NTRK2: variants seen among roughly 807,000 people sequenced by gnomAD.
The protein encoded by NTRK2 is BDNF/NT-3 growth factors receptor.
Under a neutral mutation model 94.5 loss-of-function variants are expected in NTRK2, and 13 were observed. The ratio of observed to expected loss-of-function variants is 0.14; its 90% confidence interval spans 0.09 to 0.22. The LOEUF (loss-of-function observed/expected upper bound fraction) is 0.22, where lower values mean the gene tolerates loss of function less well. Among genes scored for constraint, NTRK2 ranks in the 10% least tolerant of loss-of-function variants. The probability of loss-of-function intolerance (pLI) is 1.00; values close to 1 mark genes in which losing one functional copy is unlikely to be tolerated. For synonymous variants in NTRK2, 372 were observed against 407.4 expected (o/e 0.91, Z 1.05); for missense variants, 639 against 1,071.2 (o/e 0.60, Z 5.63).
chr9:84,992,290 C>G (rs1436836432), intron 17 of NTRK2, among the ~76,000 whole-genome samples: 1 of 151,864 alleles, frequency 6.6e-6, no homozygotes, highest in Non-Finnish European at 1.5e-5. Context: ...TTACATGGCC[C>G]AATGGAATCT....
Position 84,692,468 on chromosome 9 carries a change from C to CTTTTTTTTTTTTTTTTTTTTT in NTRK2, c.213-9671_213-9670insTTTTTTTTTTTTTTTTTTTTT, listed in dbSNP as rs71369138. 1.4e-3 allele frequency among the ~76,000 whole-genome samples: 121 copies of CTTTTTTTTTTTTTTTTTTTTT among 87,556 alleles called. 1 individual carries two copies. Among genetic ancestry groups the CTTTTTTTTTTTTTTTTTTTTT allele is most frequent in the Non-Finnish European group, 1.5e-3 (72 of 46,456 alleles). 57.4% of individuals were successfully genotyped at this position (87,556 alleles called of 152,430 possible). A position where few individuals can be genotyped will look rare whatever the true frequency, so the allele number is the denominator to read the frequency against. On this transcript the variant is annotated intron_variant, in intron 2 of 18. Coordinates refer to ENST00000277120, the MANE Select transcript of NTRK2 (RefSeq NM_006180.6). ...TTTCTTTTCTTTTTTTTCTTTTTTT[C>CTTTTTTTTTTTTTTTTTTTTT]TTTTTTTTTTTTTTTTTTTTGAGAC...
intron 15 of NTRK2, among the ~76,000 whole-genome samples, chr9:84,935,382 T>C (rs80238144): frequency 1.3e-5 from 2 of 152,210 alleles, no homozygotes; most frequent in Admixed American, 6.5e-5. Flanking sequence ...ATAAAATTAT[T>C]CTTGGAGTCA....
chr9:84,772,642 A>G (rs1588497011), intron 12 of NTRK2, among the ~76,000 whole-genome samples: 2 of 152,192 alleles, frequency 1.3e-5, no homozygotes, highest in East Asian at 1.9e-4. Context: ...AGCAGCTTCT[A>G]TGGTGGCTAA....
rs575872386 is a variant in NTRK2 at position 84,836,851 on chromosome 9, C to T, written c.1397-24189C>T. ...CTTACAACAATTCAAGTCAGATTTT[C>T]CTGCCAAGCGAGTGTAACTTTGGGT... On this transcript the variant is annotated intron_variant, in intron 12 of 18. Coordinates refer to ENST00000277120, the MANE Select transcript of NTRK2 (RefSeq NM_006180.6). 9.2e-4 allele frequency among the ~76,000 whole-genome samples: 139 copies of T among 150,394 alleles called. 2 individuals carry two copies. The highest frequency in any genetic ancestry group is 2.5e-3 in the African/African-American group (101 of 40,874).
intron 12 of NTRK2, among the ~76,000 whole-genome samples, chr9:84,802,404 A>G (rs1412219786): frequency 1.3e-5 from 2 of 152,204 alleles, no homozygotes; most frequent in Non-Finnish European, 2.9e-5. Context: ...CTGCGCTCCA[A>G]CATGAAGGAG....
chr9:84,687,120 C>T (rs1012035712), intron 2 of NTRK2, among the ~76,000 whole-genome samples: 13 of 152,156 alleles, frequency 8.5e-5, no homozygotes, highest in Middle Eastern at 3.4e-3. Flanking sequence ...CGCCCTGTTG[C>T]TCAGGCCGGT....
At chr9:84,904,008 C>A (rs770380316) in intron 14 of NTRK2, among the ~76,000 whole-genome samples, 1 of 152,188 alleles carries the variant, frequency 6.6e-6, no homozygotes, top group Non-Finnish European at 1.5e-5. Flanking sequence ...ATGGAAATGT[C>A]CCTGCTTCTG....
chr9:84,797,620 C>CTATAAT lies in NTRK2; in HGVS notation c.1396+45539_1396+45540insATTATA, dbSNP rs1554730802. Among the ~76,000 whole-genome samples the CTATAAT allele has an allele frequency of 3.3e-3, 211 of 63,094 alleles. 6 individuals carry two copies. The highest frequency in any genetic ancestry group is 4.0e-3 in the African/African-American group (63 of 15,672). 41.4% of individuals were successfully genotyped at this position (63,094 alleles called of 152,430 possible). ...CTATATATTATATATAATATATATA[C>CTATAAT]TATATATTATATATTATATATACTA... On this transcript the variant is annotated intron_variant, in intron 12 of 18. Coordinates refer to ENST00000277120, the MANE Select transcript of NTRK2 (RefSeq NM_006180.6).
chr9:84,759,040 A>G (rs754746240), intron 12 of NTRK2, among the ~76,000 whole-genome samples: 42 of 152,148 alleles, frequency 2.8e-4, no homozygotes, highest in Admixed American at 1.8e-3. Flanking sequence ...CTATCTCAGC[A>G]CTCTCTTAAG....
At chr9:84,983,236 C>A (rs1301010572) in intron 17 of NTRK2, among the ~76,000 whole-genome samples, 4 of 152,130 alleles carry the variant, frequency 2.6e-5, no homozygotes, top group Non-Finnish European at 4.4e-5. Context: ...AACTAAATGA[C>A]CCCAAGGTGA....
intron 12 of NTRK2, among the ~76,000 whole-genome samples, chr9:84,757,144 C>A (rs552330699): frequency 6.6e-6 from 1 of 151,984 alleles, no homozygotes; most frequent in Non-Finnish European, 1.5e-5. Context: ...CCATATGCAC[C>A]CTCTTCCTTC....
chr9:84,702,947 T>C (rs556082661), intron 4 of NTRK2, among the ~76,000 whole-genome samples: 2 of 152,360 alleles, frequency 1.3e-5, no homozygotes, highest in Admixed American at 6.5e-5. Context: ...AGAAAATTAT[T>C]AACAATGGGA....
At position 84,856,302 on chromosome 9, in the gene NTRK2, T is replaced by C. The variant is rs564132839; in HGVS notation, c.1397-4738T>C. On this transcript the variant is annotated intron_variant, in intron 12 of 18. Transcript: ENST00000277120. ...ACACTGTGGAGATGGGGCTTTCTTT[T>C]ATTAAGGATATGTCCTTAAGTAAAA... 2.8e-3 allele frequency among the ~76,000 whole-genome samples: 430 copies of C among 152,286 alleles called. 3 individuals carry two copies. The highest frequency in any genetic ancestry group is 4.3e-3 in the Non-Finnish European group (292 of 68,020).
intron 12 of NTRK2, among the ~76,000 whole-genome samples, chr9:84,809,314 T>C (rs958093060): frequency 2.6e-5 from 4 of 151,682 alleles, no homozygotes; most frequent in South Asian, 2.1e-4. Flanking sequence ...TTCTTTATTT[T>C]TGTAACATTT....
rs1201486227 is a variant in NTRK2 at position 84,686,402 on chromosome 9, T to C, written c.212+15442T>C. The stretch of plus-strand genomic sequence containing the variant: ...GGAAAAGAATCACTCCAGGGTCACC[T>C]GATCTCCAACAAACAAATAGGTCTA... On this transcript the variant is annotated intron_variant, in intron 2 of 18. Coordinates refer to ENST00000277120, the MANE Select transcript of NTRK2 (RefSeq NM_006180.6). Among the ~76,000 whole-genome samples the C allele has an allele frequency of 2.6e-5, 4 of 152,236 alleles. No individual in the cohort carries two copies. In the East Asian group the frequency reaches 7.7e-4, roughly 29 times the overall value.
intron 17 of NTRK2, among the ~76,000 whole-genome samples, chr9:84,980,451 C>T: frequency 6.6e-6 from 1 of 152,142 alleles, no homozygotes. Flanking sequence ...ATATTGTCAT[C>T]CCACTCTTAA....
intron 14 of NTRK2, among the ~76,000 whole-genome samples, chr9:84,923,083 G>T (rs1296044887): frequency 1.3e-5 from 2 of 152,190 alleles, no homozygotes; most frequent in Non-Finnish European, 2.9e-5. Context: ...ATCAGTGGTT[G>T]TGAACTCTGC....
chr9:84,795,363 A>G (rs1453154929), intron 12 of NTRK2, among the ~76,000 whole-genome samples: 1 of 152,120 alleles, frequency 6.6e-6, no homozygotes, highest in African/African-American at 2.4e-5. Flanking sequence ...ACGCCCAGGG[A>G]CAGTCTTGGC....
At chr9:84,858,165 A>G (rs966481881) in intron 12 of NTRK2, among the ~76,000 whole-genome samples, 8 of 151,868 alleles carry the variant, frequency 5.3e-5, no homozygotes, top group African/African-American at 1.7e-4. Context: ...CCCTTCCCCA[A>G]TACCCAGTTC....
Sources: gnomAD v4.1 joint callset for allele counts (sites outside exome capture counted in the v4.1 genomes callset) on GRCh38, gnomAD v4.1.1 for gene constraint, MANE v1.5 for transcripts, NCBI Gene and HGNC (gene_info 2026-07-23, HGNC 2026-07-21) for gene names.